The following DENND1A variants were observed in gnomAD, a reference collection of about 807,000 sequenced individuals.
DENND1A encodes DENN domain containing 1A, also known as DENN domain-containing protein 1A.
In DENND1A, 51 loss-of-function variants were observed where a neutral mutation model predicts 113.7. The observed-to-expected ratio is 0.45, with a 90% CI of 0.36 to 0.57. The LOEUF is 0.57. Among genes scored for constraint, DENND1A ranks in the 20% least tolerant of loss-of-function variants. The probability of loss-of-function intolerance (pLI) is 0.00; values close to 1 mark genes in which losing one functional copy is unlikely to be tolerated. For synonymous variants in DENND1A, 565 were observed against 570.8 expected (o/e 0.99, Z 0.14); for missense variants, 1,258 against 1,395.9 (o/e 0.90, Z 1.57).
chr9:123,458,383 TCTAA>T (rs1255524458), intron 13 of DENND1A, among the ~76,000 whole-genome samples: 2 of 152,152 alleles, frequency 1.3e-5, no homozygotes, highest in East Asian at 1.9e-4. Flanking sequence ...AATAGAAATA[TCTAA>T]CTATTTCTAA....
chr9:123,601,633 A>G (rs943236539), intron 11 of DENND1A, among the ~76,000 whole-genome samples: 9 of 152,216 alleles, frequency 5.9e-5, no homozygotes, highest in African/African-American at 2.2e-4. Context: ...CCAGGGTTTC[A>G]CTGATATAAA....
chr9:123,913,208 G>A (rs778422320), intron 1 of DENND1A, among the ~76,000 whole-genome samples: 13 of 151,176 alleles, frequency 8.6e-5, no homozygotes, highest in Non-Finnish European at 1.6e-4. Flanking sequence ...AATCCCCTGT[G>A]AGAAAGCAGA....
intron 12 of DENND1A, among the ~76,000 whole-genome samples, chr9:123,568,327 T>C (rs981890393): frequency 3.3e-5 from 5 of 152,148 alleles, no homozygotes; most frequent in Admixed American, 6.5e-5. Context: ...TAAAGTACCC[T>C]CCCCTTCTTT....
chr9:123,821,593 A>G (rs1213624732), intron 2 of DENND1A, among the ~76,000 whole-genome samples: 2 of 152,252 alleles, frequency 1.3e-5, no homozygotes, highest in South Asian at 4.1e-4. Flanking sequence ...AAAACAGATT[A>G]ACTATAAGAA....
intron 1 of DENND1A, among the ~76,000 whole-genome samples, chr9:123,919,977 A>G (rs2134144297): frequency 6.6e-6 from 1 of 152,210 alleles, no homozygotes; most frequent in Non-Finnish European, 1.5e-5. Context: ...AGTTACAGTC[A>G]GTTATCTATA....
chr9:123,865,707 A>C lies in DENND1A; in HGVS notation c.88+13244T>G, dbSNP rs919368619. Among the ~76,000 whole-genome samples, 3 of 151,968 alleles carry C rather than the reference A, an allele frequency of 2.0e-5. No individual in the cohort carries two copies. The East Asian group carries it at 5.8e-4, about 29-fold the overall frequency. ...TTTCTGAATCCTCAAATGTGATGATAATATGAGATATTATCATCATCCCCA... is the reference window on the plus strand; with the variant it reads ...TTTCTGAATCCTCAAATGTGATGATCATATGAGATATTATCATCATCCCCA... On this transcript the variant is annotated intron_variant, in intron 2 of 23. Transcript: ENST00000394215.
intron 3 of DENND1A, among the ~76,000 whole-genome samples, chr9:123,784,186 C>A (rs1831758743): frequency 6.6e-6 from 1 of 152,144 alleles, no homozygotes. Flanking sequence ...GAGGCTGGGT[C>A]AAAGTCAGAC....
At chr9:123,544,295 G>A (rs894139170) in intron 13 of DENND1A, among the ~76,000 whole-genome samples, 14 of 152,162 alleles carry the variant, frequency 9.2e-5, no homozygotes, top group Non-Finnish European at 1.5e-4. Context: ...CAAAATATTA[G>A]CCAATTAAAA....
intron 2 of DENND1A, among the ~76,000 whole-genome samples, chr9:123,832,912 A>G (rs1352148639): frequency 6.6e-6 from 1 of 152,100 alleles, no homozygotes; most frequent in Non-Finnish European, 1.5e-5. Flanking sequence ...TGAGGTGGGA[A>G]GACCATTTGA....
At chr9:123,799,065 T>C (rs967086630) in intron 2 of DENND1A, among the ~76,000 whole-genome samples, 1 of 152,190 alleles carries the variant, frequency 6.6e-6, no homozygotes, top group Non-Finnish European at 1.5e-5. Context: ...ACGACAGCTG[T>C]GCCCTTTATG....
chr9:123,585,183 G>A (rs1052682225), intron 11 of DENND1A, among the ~76,000 whole-genome samples: 2 of 152,106 alleles, frequency 1.3e-5, no homozygotes, highest in Non-Finnish European at 2.9e-5. Flanking sequence ...ACTTCTCCAC[G>A]CCTCTGGGGC....
At chr9:123,757,845 G>A (rs2070701932) in intron 4 of DENND1A, 23 bp from the exon 5 acceptor site, 1 of 1,610,180 alleles carries the variant, frequency 6.2e-7, no homozygotes, top group Non-Finnish European at 8.5e-7. Flanking sequence ...CAGAACAAAG[G>A]GGAAAATGAA....
intron 20 of DENND1A, among the ~76,000 whole-genome samples, chr9:123,410,287 A>C (rs994683418): frequency 6.6e-6 from 1 of 152,144 alleles, no homozygotes; most frequent in Admixed American, 6.5e-5. Context: ...CGGCCCCCCA[A>C]ATCTGTACTG....
chr9:123,397,873 C>T (rs1292982385), intron 21 of DENND1A, among the ~76,000 whole-genome samples: 1 of 152,174 alleles, frequency 6.6e-6, no homozygotes, highest in Non-Finnish European at 1.5e-5. Flanking sequence ...AGCCCTGGGC[C>T]CTGGTGGCTG....
chr9:123,402,671 T>C, intron 21 of DENND1A: 1 of 527,882 alleles, frequency 1.9e-6, no homozygotes, highest in South Asian at 1.4e-5. Flanking sequence ...CTGAGGGCTG[T>C]GCTCCTTTTG....
intron 12 of DENND1A, among the ~76,000 whole-genome samples, chr9:123,565,883 A>G (rs139775443): frequency 2.6e-4 from 40 of 152,358 alleles, no homozygotes; most frequent in African/African-American, 9.6e-4. Context: ...TTCTGTAAGA[A>G]CAAGAAATTT....
intron 13 of DENND1A, among the ~76,000 whole-genome samples, chr9:123,539,574 T>C (rs1421654880): frequency 2.0e-5 from 3 of 152,068 alleles, no homozygotes; most frequent in Non-Finnish European, 4.4e-5. Flanking sequence ...AAGGGGATTC[T>C]AGGGTGGGCA....
At chr9:123,622,448 A>G (rs1472983130) in intron 10 of DENND1A, among the ~76,000 whole-genome samples, 1 of 152,240 alleles carries the variant, frequency 6.6e-6, no homozygotes, top group Non-Finnish European at 1.5e-5. Flanking sequence ...TGCCTGGTAC[A>G]TAATAAGTGC....
chr9:123,800,805 G>A (rs187451722), intron 2 of DENND1A, among the ~76,000 whole-genome samples: 57 of 152,136 alleles, frequency 3.7e-4, no homozygotes, highest in Non-Finnish European at 6.3e-4. Flanking sequence ...TAAAAACTTA[G>A]AATAATTTTG....
Sources: gnomAD v4.1 joint callset for allele counts (sites outside exome capture counted in the v4.1 genomes callset) on GRCh38, gnomAD v4.1.1 for gene constraint, MANE v1.5 for transcripts, NCBI Gene and HGNC (gene_info 2026-07-23, HGNC 2026-07-21) for gene names.